ATOSA: variants seen among roughly 807,000 people sequenced by gnomAD.
The protein encoded by ATOSA is atos homolog A.
the ATOSA span, among the ~76,000 whole-genome samples, chr15:52,662,839 G>A: frequency 6.7e-6 from 1 of 150,326 alleles, no homozygotes; most frequent in South Asian, 2.1e-4. Flanking sequence ...AAGAATTTTT[G>A]TAAAATAAAA....
At chr15:52,628,008 G>T in the ATOSA span, among the ~76,000 whole-genome samples, 2 of 152,108 alleles carry the variant, frequency 1.3e-5, no homozygotes, top group African/African-American at 4.8e-5. Context: ...GCTAATTCTC[G>T]ATTGTGAATG....
the ATOSA span, among the ~76,000 whole-genome samples, chr15:52,693,744 G>C: frequency 2.0e-5 from 3 of 152,170 alleles, no homozygotes; most frequent in African/African-American, 7.2e-5. Context: ...TTCTAATGGA[G>C]TTTAACAAAT....
the ATOSA span, among the ~76,000 whole-genome samples, chr15:52,632,829 G>A: frequency 6.6e-6 from 1 of 152,094 alleles, no homozygotes; most frequent in Non-Finnish European, 1.5e-5. Context: ...ATGCCATGAA[G>A]CATAAAATCT....
chr15:52,663,100 C>G, the ATOSA span, among the ~76,000 whole-genome samples: 1 of 152,202 alleles, frequency 6.6e-6, no homozygotes, highest in Non-Finnish European at 1.5e-5. Flanking sequence ...TTCCCATTCA[C>G]ATTAGTCTAT....
chr15:52,621,288 CACAG>C, the ATOSA span, among the ~76,000 whole-genome samples: 1 of 152,130 alleles, frequency 6.6e-6, no homozygotes, highest in Non-Finnish European at 1.5e-5. Context: ...CATATATAAG[CACAG>C]ACATACATAC....
chr15:52,650,391 A>T, the ATOSA span, among the ~76,000 whole-genome samples: 1 of 152,218 alleles, frequency 6.6e-6, no homozygotes, highest in Non-Finnish European at 1.5e-5. Context: ...AAATCTAAGA[A>T]ATGCCAGTCT....
At chr15:52,614,478 T>G in the ATOSA span, among the ~76,000 whole-genome samples, 1 of 152,132 alleles carries the variant, frequency 6.6e-6, no homozygotes, top group African/African-American at 2.4e-5. Flanking sequence ...TCTGAGAAAT[T>G]TATAAAATTC....
chr15:52,607,437 G>A, the ATOSA span, among the ~76,000 whole-genome samples: 2 of 152,144 alleles, frequency 1.3e-5, no homozygotes, highest in Non-Finnish European at 2.9e-5. Context: ...TAAACAAGAG[G>A]AATGAACCAA....
At chr15:52,603,886 T>C in the ATOSA span, among the ~76,000 whole-genome samples, 4 of 152,134 alleles carry the variant, frequency 2.6e-5, no homozygotes, top group Non-Finnish European at 5.9e-5. Context: ...AAAAACACTG[T>C]TGGACACAAT....
the ATOSA span, among the ~76,000 whole-genome samples, chr15:52,679,625 G>C: frequency 6.6e-6 from 1 of 152,198 alleles, no homozygotes; most frequent in African/African-American, 2.4e-5. Context: ...CTTCGGTTGC[G>C]CTCCCAGCCG....
At chr15:52,685,517 T>A in the ATOSA span, among the ~76,000 whole-genome samples, 1 of 152,090 alleles carries the variant, frequency 6.6e-6, no homozygotes, top group African/African-American at 2.4e-5. Context: ...TGCTGCAACC[T>A]CTGCCTTCCA....
chr15:52,674,782 GACC>G, the ATOSA span, among the ~76,000 whole-genome samples: 1 of 151,074 alleles, frequency 6.6e-6, no homozygotes, highest in Non-Finnish European at 1.5e-5. Context: ...TCTTGTAATT[GACC>G]AATATATAAG....
At chr15:52,678,185 C>T in the ATOSA span, 1 of 832,800 alleles carries the variant, frequency 1.2e-6, no homozygotes, top group Non-Finnish European at 2.0e-6. Context: ...TGCAAGTAAA[C>T]TACTGTTAAG....
At chr15:52,639,017 T>A in the ATOSA span, among the ~76,000 whole-genome samples, 1 of 150,564 alleles carries the variant, frequency 6.6e-6, no homozygotes, top group African/African-American at 2.5e-5. Flanking sequence ...GAAAGTGACT[T>A]GAAATTGACT....
the ATOSA span, among the ~76,000 whole-genome samples, chr15:52,616,812 T>C: frequency 1.3e-5 from 2 of 152,136 alleles, no homozygotes; most frequent in Non-Finnish European, 2.9e-5. Flanking sequence ...ATAAGCTATA[T>C]AGTGAATGAG....
chr15:52,708,508 A>T, the ATOSA span, among the ~76,000 whole-genome samples: 2 of 152,170 alleles, frequency 1.3e-5, no homozygotes, highest in African/African-American at 4.8e-5. Context: ...TTTTGAATCA[A>T]GGTATGATTA....
chr15:52,698,705 C>T, the ATOSA span, among the ~76,000 whole-genome samples: 1 of 152,176 alleles, frequency 6.6e-6, no homozygotes, highest in Non-Finnish European at 1.5e-5. Context: ...TAGTGATTAA[C>T]CTTTCAAGGC....
At chr15:52,595,375 T>C in the ATOSA span, among the ~76,000 whole-genome samples, 2 of 152,160 alleles carry the variant, frequency 1.3e-5, no homozygotes, top group Non-Finnish European at 2.9e-5. Context: ...AAATAAAAAG[T>C]CTATTCTGAA....
the ATOSA span, chr15:52,586,092 C>A: frequency 6.6e-6 from 1 of 152,224 alleles, no homozygotes; most frequent in Non-Finnish European, 1.5e-5. Flanking sequence ...ATTATTATCA[C>A]AACTGACAGC....
Sources: allele counts gnomAD v4.1 joint callset (sites outside exome capture counted in the v4.1 genomes callset), GRCh38; gene constraint gnomAD v4.1.1; transcripts MANE v1.5; gene names NCBI Gene and HGNC (gene_info 2026-07-23, HGNC 2026-07-21).